The following KCNN2 variants were observed in gnomAD, a reference collection of about 807,000 sequenced individuals.
KCNN2 encodes the protein potassium calcium-activated channel subfamily N member 2, also known as small conductance calcium-activated potassium channel protein 2.
In KCNN2, 24 loss-of-function variants were observed where a neutral mutation model predicts 55.5. The ratio of observed to expected loss-of-function variants is 0.43; its 90% CI spans 0.31 to 0.61. KCNN2 has a LOEUF of 0.61. Ranked by LOEUF, KCNN2 falls within the 20% of genes least tolerant of loss-of-function variation. KCNN2 has a pLI of 0.08. For missense variants in KCNN2, 754 were observed against 853.6 expected (o/e 0.88, Z 1.45); for synonymous variants, 431 against 336.1 (o/e 1.28, Z -3.09).
At chr5:114,125,690 T>C (rs1156860058) in intron 1 of KCNN2, among the ~76,000 whole-genome samples, 2 of 152,202 alleles carry the variant, frequency 1.3e-5, no homozygotes, top group Admixed American at 1.3e-4. Flanking sequence ...TTTATTTTCT[T>C]ACAGTTCTGG....
chr5:114,222,205 G>T (rs914968250), intron 2 of KCNN2, among the ~76,000 whole-genome samples: 27 of 152,180 alleles, frequency 1.8e-4, no homozygotes, highest in Non-Finnish European at 1.2e-4. Context: ...GGAATAAAAA[G>T]GGGAGTAAAT....
rs1311393651 is a variant in KCNN2, at chr5:114,167,702, TA to T, written c.-270-53775del. Reference sequence around the variant, plus strand: ...AGTATTGAGGTATAATTGAAGTAGATAAACCCAGATATGAAAATGTACAAAC... The same window carrying T: ...AGTATTGAGGTATAATTGAAGTAGATAACCCAGATATGAAAATGTACAAAC... On this transcript the variant is annotated intron_variant, in intron 1 of 10. Coordinates refer to the KCNN2 transcript ENST00000512097. 5.9e-5 allele frequency among the ~76,000 whole-genome samples: 9 copies of T among 152,234 alleles called. No homozygotes were observed. In the East Asian group the frequency reaches 1.7e-3, roughly 29 times the overall value.
At chr5:114,085,334 GTC>G (rs969398017) in intron 1 of KCNN2, among the ~76,000 whole-genome samples, 1 of 151,658 alleles carries the variant, frequency 6.6e-6, no homozygotes, top group Non-Finnish European at 1.5e-5. Flanking sequence ...ATAATAATGA[GTC>G]TCTCAATTAA....
In KCNN2 at chr5:114,157,955, C is replaced by T. The variant is rs966102231; in HGVS notation, c.-270-63525C>T. Among the ~76,000 whole-genome samples the T allele has an allele frequency of 9.9e-5, 15 of 151,568 alleles. No homozygotes were observed. In the East Asian group the frequency reaches 1.4e-3, roughly 14 times the overall value. ...AAATTTTCTCCCATTCTGTAGGTTG[C>T]GTGTTCACTCTGATGGTAGTTTCTT... On this transcript the variant is annotated intron_variant, in intron 1 of 10. Transcript: ENST00000512097.
At chr5:114,100,120 G>A (rs1395047451) in intron 1 of KCNN2, among the ~76,000 whole-genome samples, 2 of 151,978 alleles carry the variant, frequency 1.3e-5, no homozygotes. Context: ...TGAGACCTGA[G>A]TGTAATTTTA....
At chr5:114,361,512 G>C (rs1965887), upstream of KCNN2, among the ~76,000 whole-genome samples, 6,399 of 152,288 alleles carry the variant, frequency 0.042, 467 homozygotes, top group African/African-American at 0.15. Flanking sequence ...CAGTTACTTG[G>C]CGGGCAGCCG....
intron 2 of KCNN2, among the ~76,000 whole-genome samples, chr5:114,367,119 CT>C (rs2150048406): frequency 6.6e-6 from 1 of 152,190 alleles, no homozygotes; most frequent in African/African-American, 2.4e-5. Context: ...TCCGTGTGAC[CT>C]TTTATAAAAT....
At chr5:114,099,686 T>C (rs1237810095) in intron 1 of KCNN2, among the ~76,000 whole-genome samples, 1 of 152,114 alleles carries the variant, frequency 6.6e-6, no homozygotes, top group East Asian at 1.9e-4. Context: ...GCAATTGTGC[T>C]ATTTATGATT....
At chr5:114,434,993 C>A (rs1759952612) in intron 3 of KCNN2, among the ~76,000 whole-genome samples, 1 of 152,142 alleles carries the variant, frequency 6.6e-6, no homozygotes, top group Non-Finnish European at 1.5e-5. Flanking sequence ...GGTTACTTTT[C>A]CATTTTCTCT....
At chr5:114,063,503 C>A (rs141023323) in intron 1 of KCNN2, among the ~76,000 whole-genome samples, 12 of 152,158 alleles carry the variant, frequency 7.9e-5, no homozygotes, top group African/African-American at 2.2e-4. Flanking sequence ...AACCACCCCC[C>A]CTCCAAATTT....
intron 2 of KCNN2, among the ~76,000 whole-genome samples, chr5:114,397,910 T>C (rs1758668551): frequency 6.6e-6 from 1 of 152,208 alleles, no homozygotes; most frequent in South Asian, 2.1e-4. Flanking sequence ...GTTTGTTTCT[T>C]ATAGATGCTG....
At chr5:114,308,230 T>G (rs931187281) in intron 2 of KCNN2, among the ~76,000 whole-genome samples, 1 of 152,150 alleles carries the variant, frequency 6.6e-6, no homozygotes, top group Admixed American at 6.6e-5. Flanking sequence ...ATTTGACTGG[T>G]AGGGGATCTA....
intron 1 of KCNN2, among the ~76,000 whole-genome samples, chr5:114,091,657 C>G (rs1433960866): frequency 2.6e-5 from 4 of 152,140 alleles, no homozygotes; most frequent in African/African-American, 9.7e-5. Context: ...TTAATTGATT[C>G]ACAGTTCATT....
At chr5:114,371,245 T>C (rs905243543) in intron 2 of KCNN2, among the ~76,000 whole-genome samples, 2 of 152,096 alleles carry the variant, frequency 1.3e-5, no homozygotes, top group Admixed American at 1.3e-4. Context: ...TATATGAGAG[T>C]CTGGAGTACA....
At chr5:114,189,125 G>C (rs76771773) in intron 1 of KCNN2, among the ~76,000 whole-genome samples, 1 of 131,122 alleles carries the variant, frequency 7.6e-6, no homozygotes, top group Non-Finnish European at 1.6e-5. Flanking sequence ...CAGAGAAATA[G>C]AACCAATAGT....
intron 1 of KCNN2, among the ~76,000 whole-genome samples, chr5:114,178,335 C>G (rs1184947824): frequency 6.6e-6 from 1 of 152,170 alleles, no homozygotes; most frequent in Non-Finnish European, 1.5e-5. Flanking sequence ...ATCTGATTTA[C>G]TTCATCTGGT....
rs1757489211 is a variant in KCNN2 at position 114,363,026 on chromosome 5, C to A, written c.887C>A (p.Thr296Asn). Reference protein sequence around the residue: ...NNSNNLALYGTGGGGSTGGGG... With the variant: ...NNSNNLALYGNGGGGSTGGGG... ...TCCAACAACCTGGCGCTCTATGGAA[C>A]CGGCGGCGGAGGCAGCACTGGAGGA... The change falls in exon 1 of 8, where the codon ACC (threonine) becomes AAC (asparagine). Residue 296 changes from threonine to asparagine, a missense_variant. Around this residue, in one of 4 missense-constraint regions of KCNN2, gnomAD observed 381 missense variants for 259.1 expected, o/e 1.47. Coordinates refer to ENST00000673685, the MANE Select transcript of KCNN2 (RefSeq NM_021614.4). The A allele has an allele frequency of 1.2e-6, 2 of 1,602,740 alleles. No homozygotes were observed. The highest frequency in any genetic ancestry group is 2.2e-5 in the East Asian group (1 of 44,528).
intron 5 of KCNN2, chr5:114,486,819 C>T: frequency 7.7e-7 from 1 of 1,302,590 alleles, no homozygotes; most frequent in Non-Finnish European, 1.0e-6. Context: ...ATAGAATTTA[C>T]CACAGAAAGA....
intron 1 of KCNN2, among the ~76,000 whole-genome samples, chr5:114,178,390 T>C (rs1475836109): frequency 6.6e-6 from 1 of 152,180 alleles, no homozygotes; most frequent in Non-Finnish European, 1.5e-5. Context: ...ACAGCTCAGC[T>C]ATGTAATTAT....
Sources: gnomAD v4.1 joint callset for allele counts (sites outside exome capture counted in the v4.1 genomes callset) on GRCh38, gnomAD v4.1.1 for gene constraint, gnomAD v4.1.1 regional missense constraint, MANE v1.5 for transcripts, NCBI Gene and HGNC (gene_info 2026-07-23, HGNC 2026-07-21) for gene names.